SLC24A2: variants seen among roughly 807,000 people sequenced by gnomAD.
SLC24A2 encodes solute carrier family 24 member 2.
In SLC24A2, 36 loss-of-function variants were observed where a neutral mutation model predicts 62.0. That is an observed-to-expected ratio of 0.58 (90% CI 0.44 to 0.77). The LOEUF is 0.77. Ranked by LOEUF, SLC24A2 falls within the 30% of genes least tolerant of loss-of-function variation. The pLI is 0.00. For missense variants in SLC24A2, 846 were observed against 817.9 expected (o/e 1.03, Z -0.42); for synonymous variants, 358 against 294.0 (o/e 1.22, Z -2.23).
At chr9:20,103,002 C>A in the SLC24A2 span, among the ~76,000 whole-genome samples, 1 of 152,176 alleles carries the variant, frequency 6.6e-6, no homozygotes, top group South Asian at 2.1e-4. Context: ...CCTAATACTG[C>A]GCTTTTCCGA....
chr9:19,514,893 G>C lies in SLC24A2; in HGVS notation c.*1260C>G, dbSNP rs1832865778. 6.6e-6 allele frequency: 1 copy of C among 152,186 alleles called. No individual in the cohort carries two copies. Among genetic ancestry groups the C allele is most frequent in the Non-Finnish European group, 1.5e-5 (1 of 68,050 alleles). 9.4% of individuals were successfully genotyped at this position (152,186 alleles called of 1,614,324 possible). A position where few individuals can be genotyped will look rare whatever the true frequency, so the allele number is the denominator to read the frequency against. On this transcript the variant is annotated 3_prime_UTR_variant, in exon 11 of 11. Transcript: ENST00000341998. ...GCCTCAACCCAAGCAGTGCTGATCA[G>C]AGTTAAGTTAGTGCTATTGGGAATA...
At chr9:19,837,428 C>A in the SLC24A2 span, among the ~76,000 whole-genome samples, 2 of 119,822 alleles carry the variant, frequency 1.7e-5, no homozygotes, top group African/African-American at 6.0e-5. Context: ...GTCCGCAGTC[C>A]GGCCTGGGCG....
At chr9:19,544,068 C>G (rs1293126729) in intron 8 of SLC24A2, among the ~76,000 whole-genome samples, 2 of 152,022 alleles carry the variant, frequency 1.3e-5, no homozygotes, top group African/African-American at 4.8e-5. Context: ...GAGTGTAAGT[C>G]TCTTTGTGGA....
At chr9:19,781,765 C>G (rs1439012847) in intron 2 of SLC24A2, among the ~76,000 whole-genome samples, 1 of 152,044 alleles carries the variant, frequency 6.6e-6, no homozygotes, top group Non-Finnish European at 1.5e-5. Flanking sequence ...ATATAAGGAC[C>G]ATCTTACCTA....
chr9:19,947,214 G>A, the SLC24A2 span, among the ~76,000 whole-genome samples: 1 of 152,148 alleles, frequency 6.6e-6, no homozygotes, highest in Non-Finnish European at 1.5e-5. Context: ...AAATGGATTG[G>A]CTGTGCTGTC....
chr9:20,087,461 T>G, the SLC24A2 span, among the ~76,000 whole-genome samples: 2 of 152,134 alleles, frequency 1.3e-5, no homozygotes, highest in East Asian at 3.9e-4. Flanking sequence ...GCCTCAAAAT[T>G]AGACTCACCA....
At chr9:19,739,911 TG>T (rs1020820259) in intron 2 of SLC24A2, among the ~76,000 whole-genome samples, 3 of 152,234 alleles carry the variant, frequency 2.0e-5, no homozygotes, top group African/African-American at 7.2e-5. Flanking sequence ...GCAGTGTTTA[TG>T]TCCAATATAA....
chr9:19,646,253 C>G (rs1818635432), intron 2 of SLC24A2, among the ~76,000 whole-genome samples: 1 of 152,170 alleles, frequency 6.6e-6, no homozygotes, highest in African/African-American at 2.4e-5. Flanking sequence ...AAAATATAAG[C>G]CATTTCAGTT....
At chr9:20,226,008 T>C in the SLC24A2 span, among the ~76,000 whole-genome samples, 25 of 152,266 alleles carry the variant, frequency 1.6e-4, no homozygotes, top group Middle Eastern at 0.014. Flanking sequence ...AACGGGATCA[T>C]ACAGTTTGTC....
intron 7 of SLC24A2, among the ~76,000 whole-genome samples, chr9:19,565,136 TAAAG>T (rs938779131): frequency 6.6e-6 from 1 of 152,072 alleles, no homozygotes; most frequent in African/African-American, 2.4e-5. Flanking sequence ...GAGAAAGAAA[TAAAG>T]GTATTCAATT....
the SLC24A2 span, among the ~76,000 whole-genome samples, chr9:20,216,401 G>A: frequency 6.6e-6 from 1 of 152,168 alleles, no homozygotes; most frequent in Non-Finnish European, 1.5e-5. Context: ...ATGGTTGGAG[G>A]GAGCTAGGAA....
the SLC24A2 span, among the ~76,000 whole-genome samples, chr9:20,081,797 G>A: frequency 6.6e-6 from 1 of 152,026 alleles, no homozygotes; most frequent in African/African-American, 2.4e-5. Context: ...ATATTCCTCA[G>A]ATATCATTGG....
chr9:20,100,041 C>T, the SLC24A2 span, among the ~76,000 whole-genome samples: 14 of 151,502 alleles, frequency 9.2e-5, no homozygotes, highest in Non-Finnish European at 1.8e-4. Context: ...CTTTTTTAGA[C>T]AGGGTCTCAT....
At chr9:20,300,157 T>C in the SLC24A2 span, among the ~76,000 whole-genome samples, 1 of 152,216 alleles carries the variant, frequency 6.6e-6, no homozygotes, top group Non-Finnish European at 1.5e-5. Flanking sequence ...TATATATGTA[T>C]TTATGGGGTA....
intron 2 of SLC24A2, among the ~76,000 whole-genome samples, chr9:19,777,983 G>T (rs1038619757): frequency 2.0e-5 from 3 of 152,116 alleles, no homozygotes; most frequent in Non-Finnish European, 4.4e-5. Flanking sequence ...AGATTTGAAT[G>T]ACTAAAACTT....
chr9:20,189,347 G>C, the SLC24A2 span, among the ~76,000 whole-genome samples: 5 of 152,186 alleles, frequency 3.3e-5, no homozygotes, highest in Admixed American at 3.3e-4. Flanking sequence ...ACTGCTGGGA[G>C]CTCTGGAGGC....
At chr9:19,701,979 T>C (rs1019025806) in intron 2 of SLC24A2, among the ~76,000 whole-genome samples, 7 of 152,166 alleles carry the variant, frequency 4.6e-5, no homozygotes, top group African/African-American at 1.7e-4. Context: ...AGTTACAAGG[T>C]ACATAGAGTC....
chr9:20,007,965 G>A, the SLC24A2 span, among the ~76,000 whole-genome samples: 6 of 125,236 alleles, frequency 4.8e-5, no homozygotes, highest in Admixed American at 3.2e-4. Flanking sequence ...GCATGATCTC[G>A]GTTCACTGCA....
chr9:20,011,638 A>G, the SLC24A2 span, among the ~76,000 whole-genome samples: 2 of 152,356 alleles, frequency 1.3e-5, no homozygotes, highest in South Asian at 2.1e-4. Context: ...TAGAAAGCAT[A>G]TTTAAGGAAG....
Sources: gnomAD v4.1 joint callset for allele counts (sites outside exome capture counted in the v4.1 genomes callset) on GRCh38, gnomAD v4.1.1 for gene constraint, MANE v1.5 for transcripts, NCBI Gene and HGNC (gene_info 2026-07-23, HGNC 2026-07-21) for gene names.